The following ZNF678 variants were observed in gnomAD, a reference collection of about 807,000 sequenced individuals.
ZNF678 encodes the protein zinc finger protein 678, also known as hypothetical protein MGC42493.
In ZNF678, 5 loss-of-function variants were observed where a neutral mutation model predicts 3.0. The observed-to-expected ratio is 1.69, with a 90% CI of 0.88 to 3.56. The LOEUF (loss-of-function observed/expected upper bound fraction) is 3.56, where lower values mean the gene tolerates loss of function less well. Ranked by LOEUF, ZNF678 falls within the 30% of genes most tolerant of loss-of-function variation. The pLI is 0.00. For synonymous variants in ZNF678, 218 were observed against 199.6 expected (o/e 1.09, Z -0.78); for missense variants, 593 against 605.0 (o/e 0.98, Z 0.21).
chr1:227,580,719 C>T (rs577025573), intron 1 of ZNF678, among the ~76,000 whole-genome samples: 39 of 152,038 alleles, frequency 2.6e-4, no homozygotes, highest in Non-Finnish European at 5.6e-4. Context: ...CATCTGAGGT[C>T]GGGAGTTCTA....
intron 1 of ZNF678, among the ~76,000 whole-genome samples, chr1:227,595,810 C>G (rs1264078711): frequency 6.6e-6 from 1 of 152,190 alleles, no homozygotes; most frequent in Non-Finnish European, 1.5e-5. Context: ...AGTGCTGGTA[C>G]AGGCACACCG....
chr1:227,606,889 G>A (rs533769309), intron 1 of ZNF678, among the ~76,000 whole-genome samples: 1 of 152,204 alleles, frequency 6.6e-6, no homozygotes, highest in Non-Finnish European at 1.5e-5. Flanking sequence ...TGAGCACGGG[G>A]TTGGGGCTAA....
intron 1 of ZNF678, among the ~76,000 whole-genome samples, chr1:227,624,311 C>T (rs923169223): frequency 6.6e-6 from 1 of 152,178 alleles, no homozygotes; most frequent in African/African-American, 2.4e-5. Context: ...GATGATCCCT[C>T]CACAAAGACC....
intron 1 of ZNF678, among the ~76,000 whole-genome samples, chr1:227,579,677 A>C (rs888600831): frequency 1.3e-5 from 2 of 152,118 alleles, no homozygotes; most frequent in Admixed American, 1.3e-4. Context: ...GCATCAGTGC[A>C]AAAGCTACAG....
At chr1:227,603,041 C>G (rs1436252419) in intron 1 of ZNF678, among the ~76,000 whole-genome samples, 2 of 151,844 alleles carry the variant, frequency 1.3e-5, no homozygotes, top group Non-Finnish European at 2.9e-5. Flanking sequence ...GTGACCCATA[C>G]AAGCATGTGC....
Position 227,661,402 on chromosome 1 carries a change from C to G in ZNF678, c.*5574C>G, listed in dbSNP as rs1360905933. The G allele has an allele frequency of 6.6e-6, 1 of 151,856 alleles. No homozygotes were observed. The highest frequency in any genetic ancestry group is 1.5e-5 in the Non-Finnish European group (1 of 67,992). 9.4% of individuals were successfully genotyped at this position (151,856 alleles called of 1,614,324 possible). On this transcript the variant is annotated 3_prime_UTR_variant, in exon 4 of 4. Coordinates refer to ENST00000343776, the MANE Select transcript of ZNF678 (RefSeq NM_001367909.1). ...AAATGTCAAGCCGCATTTACAAATG[C>G]AAAAATGGACTTGTTTTTGATATGC...
chr1:227,588,122 G>C (rs957565983), intron 1 of ZNF678, among the ~76,000 whole-genome samples: 2 of 152,016 alleles, frequency 1.3e-5, no homozygotes, highest in Admixed American at 1.3e-4. Flanking sequence ...TGAGAATAAT[G>C]GTTTCCAACT....
At chr1:227,664,464 C>G (rs762642858), downstream of ZNF678, among the ~76,000 whole-genome samples, 1 of 152,078 alleles carries the variant, frequency 6.6e-6, no homozygotes, top group Non-Finnish European at 1.5e-5. Flanking sequence ...TTAATAGGAT[C>G]ACAGATGAGG....
chr1:227,666,816 C>T (rs1353765614), downstream of ZNF678, among the ~76,000 whole-genome samples: 1 of 142,118 alleles, frequency 7.0e-6, no homozygotes. Context: ...AGGATCTTGG[C>T]TCACTCCAAC....
chr1:227,563,963 AGGGGAGGGTCATC>A (rs1224760859), intron 1 of ZNF678, among the ~76,000 whole-genome samples: 4 of 152,174 alleles, frequency 2.6e-5, no homozygotes, highest in Non-Finnish European at 5.9e-5. Flanking sequence ...CTTTGTCCAG[AGGGGAGGGTCATC>A]GGGGAGAAGC....
intron 1 of ZNF678, among the ~76,000 whole-genome samples, chr1:227,587,985 C>T (rs1268114436): frequency 2.0e-5 from 3 of 152,070 alleles, no homozygotes; most frequent in South Asian, 2.1e-4. Flanking sequence ...TTTTCCCTCC[C>T]CCCAGCCCCC....
downstream of ZNF678, among the ~76,000 whole-genome samples, chr1:227,678,387 C>A (rs1370688155): frequency 1.3e-4 from 20 of 152,326 alleles, no homozygotes; most frequent in Non-Finnish European, 1.5e-5. Flanking sequence ...CTCTTTCCCA[C>A]ATTCCAGAGC....
At chr1:227,604,882 A>AT (rs1657824932) in intron 1 of ZNF678, among the ~76,000 whole-genome samples, 1 of 150,718 alleles carries the variant, frequency 6.6e-6, no homozygotes, top group Non-Finnish European at 1.5e-5. Context: ...TTTAGATGGA[A>AT]TTTCGTTTTG....
chr1:227,574,494 CTTTGCCCACTTTT>C (rs1656939340), intron 1 of ZNF678, among the ~76,000 whole-genome samples: 1 of 151,988 alleles, frequency 6.6e-6, no homozygotes, highest in Non-Finnish European at 1.5e-5. Context: ...TGTTCATTTC[CTTTGCCCACTTTT>C]TAATGGAGTT....
rs534483474 is a variant in ZNF678, at chr1:227,658,561, A to C, written c.*2733A>C. 1 of 152,068 alleles carries C rather than the reference A, an allele frequency of 6.6e-6. No homozygotes were observed. Among genetic ancestry groups the C allele is most frequent in the African/African-American group, 2.4e-5 (1 of 41,438 alleles). 9.4% of individuals were successfully genotyped at this position (152,068 alleles called of 1,614,324 possible). On this transcript the variant is annotated 3_prime_UTR_variant, in exon 4 of 4. Coordinates refer to ENST00000343776, the MANE Select transcript of ZNF678 (RefSeq NM_001367909.1). ...TATTTTCACCCCCAACTATGCGTCA[A>C]TCATAGCCCTTTCCCTTCTTTGCTT...
intron 1 of ZNF678, among the ~76,000 whole-genome samples, chr1:227,594,022 A>C (rs1657495764): frequency 6.6e-6 from 1 of 152,090 alleles, no homozygotes; most frequent in South Asian, 2.1e-4. Flanking sequence ...TAGGGGTGGT[A>C]CATGTGCTAA....
chr1:227,634,224 C>G (rs1658620476), intron 1 of ZNF678, among the ~76,000 whole-genome samples: 1 of 152,190 alleles, frequency 6.6e-6, no homozygotes. Context: ...AGCAGTGATT[C>G]CCAGTTACTA....
In ZNF678 at chr1:227,648,449, T is replaced by C. The variant is rs531242896; in HGVS notation, c.-37+1779T>C. 4.6e-5 allele frequency among the ~76,000 whole-genome samples: 7 copies of C among 152,334 alleles called. No homozygotes were observed. In the South Asian group the frequency reaches 1.4e-3, roughly 32 times the overall value. On this transcript the variant is annotated intron_variant, in intron 2 of 3. Coordinates refer to ENST00000343776, the MANE Select transcript of ZNF678 (RefSeq NM_001367909.1). ...ACTCAAATTGATTTGGAGTGAGAAT[T>C]CCTAATGTCTACTGCCTTAGCAAAT... is the stretch of plus-strand genomic sequence containing the variant.
chr1:227,629,371 C>T (rs58322371), intron 1 of ZNF678, among the ~76,000 whole-genome samples: 1,645 of 152,328 alleles, frequency 0.011, 34 homozygotes, highest in African/African-American at 0.038. Context: ...TATAATGGCC[C>T]CTGCTTTTGC....
Sources: allele counts gnomAD v4.1 joint callset (sites outside exome capture counted in the v4.1 genomes callset), GRCh38; gene constraint gnomAD v4.1.1; transcripts MANE v1.5; gene names NCBI Gene and HGNC (gene_info 2026-07-23, HGNC 2026-07-21).